MCTP1: variants seen among roughly 807,000 people sequenced by gnomAD.
MCTP1 encodes the protein multiple C2 and transmembrane domain containing 1.
A neutral mutation model predicts 120.6 loss-of-function variants in MCTP1; 69 were observed. The observed-to-expected ratio is 0.57, with a 90% confidence interval of 0.47 to 0.70. The LOEUF is 0.70. MCTP1 is among the 30% of genes least tolerant of loss of function. MCTP1 has a pLI of 0.00. For missense variants in MCTP1, 1,203 were observed against 1,248.8 expected (o/e 0.96, Z 0.55); for synonymous variants, 529 against 493.1 (o/e 1.07, Z -0.96).
intron 1 of MCTP1, among the ~76,000 whole-genome samples, chr5:95,278,836 C>T (rs1173925483): frequency 6.6e-6 from 1 of 151,940 alleles, no homozygotes; most frequent in Non-Finnish European, 1.5e-5. Flanking sequence ...GTGGCACATG[C>T]CTGTAATCCG....
chr5:95,064,166 T>C (rs1469862125), intron 1 of MCTP1, among the ~76,000 whole-genome samples: 1 of 152,176 alleles, frequency 6.6e-6, no homozygotes, highest in Non-Finnish European at 1.5e-5. Context: ...TGACAGACAA[T>C]CCATTAGAAA....
chr5:94,809,667 A>G (rs969614111), intron 17 of MCTP1, among the ~76,000 whole-genome samples: 23 of 152,170 alleles, frequency 1.5e-4, no homozygotes, highest in African/African-American at 5.5e-4. Context: ...TCATTCTTGC[A>G]GACTACAGAT....
At chr5:94,922,776 C>G (rs1204789219) in intron 7 of MCTP1, among the ~76,000 whole-genome samples, 1 of 152,156 alleles carries the variant, frequency 6.6e-6, no homozygotes, top group Admixed American at 6.5e-5. Context: ...GCGTGAGCCA[C>G]CAGGCCCGGC....
At chr5:94,743,361 T>C (rs978358399) in intron 19 of MCTP1, among the ~76,000 whole-genome samples, 1 of 147,898 alleles carries the variant, frequency 6.8e-6, no homozygotes, top group East Asian at 1.9e-4. Flanking sequence ...ACTGACTCCA[T>C]GCTAGAGAGA....
At chr5:95,088,798 G>A (rs533075113) in intron 1 of MCTP1, among the ~76,000 whole-genome samples, 1 of 152,188 alleles carries the variant, frequency 6.6e-6, no homozygotes, top group African/African-American at 2.4e-5. Flanking sequence ...GCCCCATTCT[G>A]ATAAGGAAAC....
At chr5:94,836,918 AATGCCAATCTTAG>A (rs370652959) in intron 17 of MCTP1, among the ~76,000 whole-genome samples, 6 of 152,320 alleles carry the variant, frequency 3.9e-5, no homozygotes, top group African/African-American at 1.2e-4. Context: ...GACCATTAGT[AATGCCAATCTTAG>A]AGTGTTGTTT....
At chr5:95,192,545 T>G (rs10073604) in intron 1 of MCTP1, among the ~76,000 whole-genome samples, 24,832 of 152,016 alleles carry the variant, frequency 0.16, 2,460 homozygotes, top group Non-Finnish European at 0.22. Flanking sequence ...AAGTCTCTTT[T>G]AGATAACAGG....
intron 5 of MCTP1, among the ~76,000 whole-genome samples, chr5:94,935,431 T>C (rs148100863): frequency 3.1e-4 from 47 of 152,148 alleles, no homozygotes; most frequent in African/African-American, 1.1e-3. Flanking sequence ...TTAGAAATCT[T>C]ACCACTTTGT....
intron 3 of MCTP1, among the ~76,000 whole-genome samples, chr5:94,944,901 G>A (rs1278536322): frequency 1.3e-5 from 2 of 152,140 alleles, no homozygotes; most frequent in Non-Finnish European, 2.9e-5. Flanking sequence ...TACTCCCACT[G>A]CACTAACAAC....
intron 12 of MCTP1, among the ~76,000 whole-genome samples, chr5:94,887,191 C>G (rs2153381415): frequency 6.6e-6 from 1 of 152,140 alleles, no homozygotes; most frequent in East Asian, 1.9e-4. Flanking sequence ...ATTTAGTATT[C>G]CCCAAATTAA....
At chr5:95,249,127 A>AAAAG in intron 1 of MCTP1, among the ~76,000 whole-genome samples, 1 of 152,244 alleles carries the variant, frequency 6.6e-6, no homozygotes, top group East Asian at 1.9e-4. Flanking sequence ...CTAAAATACC[A>AAAAG]AAAGCAATGG....
intron 1 of MCTP1, among the ~76,000 whole-genome samples, chr5:95,239,983 G>A (rs989004469): frequency 6.6e-6 from 1 of 151,804 alleles, no homozygotes; most frequent in African/African-American, 2.4e-5. Context: ...TTCTATATGG[G>A]TTAACGATTC....
At chr5:95,271,058 C>A (rs1049736045) in intron 1 of MCTP1, among the ~76,000 whole-genome samples, 1 of 152,044 alleles carries the variant, frequency 6.6e-6, no homozygotes, top group Non-Finnish European at 1.5e-5. Flanking sequence ...CCAGCTCACA[C>A]AACAAATTTC....
At chr5:95,151,198 G>A (rs1760870000) in intron 1 of MCTP1, among the ~76,000 whole-genome samples, 3 of 149,900 alleles carry the variant, frequency 2.0e-5, no homozygotes. Flanking sequence ...TGCCCAGGCT[G>A]CTCTCGAACT....
At chr5:94,824,467 C>T (rs535496526) in intron 17 of MCTP1, among the ~76,000 whole-genome samples, 57 of 150,592 alleles carry the variant, frequency 3.8e-4, no homozygotes, top group African/African-American at 1.2e-3. Context: ...TGAGGATTTT[C>T]GCACCTCAGG....
rs139612036 is a variant in MCTP1, at chr5:95,028,971, C to T, written c.721-11487G>A. Among the ~76,000 whole-genome samples, 1,190 of 152,056 alleles carry T rather than the reference C, an allele frequency of 7.8e-3. 18 individuals are homozygous for T. Among genetic ancestry groups the T allele is most frequent in the African/African-American group, 0.028 (1,150 of 41,484 alleles). ...GTCAGGAGTTCGAGACCAGCCTGAC[C>T]AACATGGTGAAACCCAGTCTCTACT... On this transcript the variant is annotated intron_variant, in intron 1 of 22. Coordinates refer to ENST00000515393, the MANE Select transcript of MCTP1 (RefSeq NM_024717.7).
intron 1 of MCTP1, among the ~76,000 whole-genome samples, chr5:95,122,985 G>T (rs548484671): frequency 6.6e-6 from 1 of 152,322 alleles, no homozygotes; most frequent in Non-Finnish European, 1.5e-5. Flanking sequence ...GGGAAAGGTA[G>T]TGGGGAGATG....
chr5:95,213,253 C>A lies in MCTP1; in HGVS notation c.720+70603G>T, dbSNP rs183774101. On this transcript the variant is annotated intron_variant, in intron 1 of 22. Coordinates refer to ENST00000515393, the MANE Select transcript of MCTP1 (RefSeq NM_024717.7). The stretch of plus-strand genomic sequence containing the variant: ...CAGAGAGCCAAATCATGAGTGAACT[C>A]CCATTCACAATTGCTTCAAAGAGAA... Among the ~76,000 whole-genome samples the A allele has an allele frequency of 7.2e-4, 110 of 152,234 alleles. 3 individuals carry two copies. The East Asian group carries it at 0.02, about 27-fold the overall frequency.
In MCTP1 at chr5:94,846,211, T is replaced by C. The variant is rs1395116650; in HGVS notation, c.2436+22122A>G. Among the ~76,000 whole-genome samples, 12 of 152,152 alleles carry C rather than the reference T, an allele frequency of 7.9e-5. 1 individual carries two copies. Among genetic ancestry groups the C allele is most frequent in the South Asian group, 2.1e-4 (1 of 4,822 alleles). ...AGAGACATATGCACATGTATGCTCA[T>C]TGCAGCACTGTTTACAATAGCAAAG... On this transcript the variant is annotated intron_variant, in intron 17 of 22. Coordinates refer to ENST00000515393, the MANE Select transcript of MCTP1 (RefSeq NM_024717.7).
Sources: allele counts gnomAD v4.1 joint callset (sites outside exome capture counted in the v4.1 genomes callset), GRCh38; gene constraint gnomAD v4.1.1; transcripts MANE v1.5; gene names NCBI Gene and HGNC (gene_info 2026-07-23, HGNC 2026-07-21).